Variants in CDC42SE1 observed in about 807,000 individuals in gnomAD.
The protein encoded by CDC42SE1 is CDC42 small effector 1.
In CDC42SE1, 10 loss-of-function variants were observed where a neutral mutation model predicts 10.9. That is an observed-to-expected ratio of 0.92 (90% CI 0.57 to 1.56). CDC42SE1 has a LOEUF of 1.56. Ranked by LOEUF, CDC42SE1 falls within the 40% of genes most tolerant of loss-of-function variation. CDC42SE1 has a pLI of 0.00. For synonymous variants in CDC42SE1, 24 were observed against 32.0 expected, an observed-to-expected ratio of 0.75 and a Z score of 0.85; for missense variants, 81 against 100.8, an observed-to-expected ratio of 0.80 and a Z score of 0.84.
rs992203518 is a variant in CDC42SE1 at position 151,055,617 on chromosome 1, C to T, written c.54+60G>A. The T allele has an allele frequency of 3.6e-6, 5 of 1,387,478 alleles. 1 individual carries two copies. Among genetic ancestry groups the T allele is most frequent in the Non-Finnish European group, 3.1e-6 (3 of 979,852 alleles). The allele number at this position is 1,387,478 out of a possible 1,614,324, so 85.9% of individuals were successfully genotyped here. A position where few individuals can be genotyped will look rare whatever the true frequency, so the allele number is the denominator to read the frequency against. ...TGGCAGATCCTAGATGGTGTGGCTA[C>T]CTCACAGCACACAGTAACTGACTGC... On this transcript the variant is annotated intron_variant, in intron 2 of 4. Coordinates refer to ENST00000357235, the MANE Select transcript of CDC42SE1 (RefSeq NM_020239.4).
chr1:151,056,067 A>C, intron 1 of CDC42SE1, 74 bp from the exon 2 acceptor site: 1 of 368,290 alleles, frequency 2.7e-6, no homozygotes. Flanking sequence ...AAACCTCCTG[A>C]TGAGCCTATA....
At chr1:151,054,896 G>C in intron 3 of CDC42SE1, 120 bp downstream of exon 3, 1 of 732,600 alleles carries the variant, frequency 1.4e-6, no homozygotes, top group Non-Finnish European at 2.3e-6. Flanking sequence ...ACCAGGACTA[G>C]AATCCCAGGT....
chr1:151,054,376 A>C, intron 3 of CDC42SE1, 55 bp from the exon 4 acceptor site: 1 of 1,394,084 alleles, frequency 7.2e-7, no homozygotes, highest in South Asian at 1.2e-5. Context: ...CTACAGTAAG[A>C]ACTCTACTTT....
Position 151,052,954 on chromosome 1 carries a change from C to T in CDC42SE1, c.*390G>A, listed in dbSNP as rs967042375. On this transcript the variant is annotated 3_prime_UTR_variant, in exon 5 of 5. Transcript: ENST00000357235. ...GCCAGCTTCAGCTTTGATAATCTCA[C>T]CCACCTACCCCATTTAAGGAGTTCC... The T allele has an allele frequency of 6.6e-6, 1 of 152,310 alleles. No homozygotes were observed. The highest frequency in any genetic ancestry group is 2.4e-5 in the African/African-American group (1 of 41,448). The allele number at this position is 152,310 out of a possible 1,614,324, so 9.4% of individuals were successfully genotyped here.
rs1355114479 is a variant in CDC42SE1, at chr1:151,055,666, G to A, written c.54+11C>T. On this transcript the variant is annotated intron_variant, in intron 2 of 4. Transcript: ENST00000357235. ...GCTCTTTGGGTTAGGATGGGGGGTG[G>A]GGAGACTCACCGGCTGGGGTTTCTC... The A allele has an allele frequency of 3.7e-6, 6 of 1,609,100 alleles. No homozygotes were observed. Among genetic ancestry groups the A allele is most frequent in the Non-Finnish European group, 5.1e-6 (6 of 1,176,140 alleles).
In CDC42SE1 at chr1:151,052,425, T is replaced by C. The variant is rs1676200260; in HGVS notation, c.*919A>G. On this transcript the variant is annotated 3_prime_UTR_variant, in exon 5 of 5. Coordinates refer to ENST00000357235, the MANE Select transcript of CDC42SE1 (RefSeq NM_020239.4). The stretch of plus-strand genomic sequence containing the variant: ...CATCCTCAATGATCAGAAGTCCACC[T>C]TGAGATGGACTTACTCCTAGTTCTG... 1 of 152,598 alleles carries C rather than the reference T, an allele frequency of 6.6e-6. No homozygotes were observed. The highest frequency in any genetic ancestry group is 1.5e-5 in the Non-Finnish European group (1 of 68,020). 9.5% of individuals were successfully genotyped at this position (152,598 alleles called of 1,614,324 possible).
chr1:151,053,906 T>C (rs895423348), intron 4 of CDC42SE1, among the ~76,000 whole-genome samples: 3 of 152,168 alleles, frequency 2.0e-5, no homozygotes, highest in Admixed American at 2.0e-4. Flanking sequence ...CTCAGCTCAC[T>C]GTAACCTCCG....
Position 151,055,786 on chromosome 1 carries a change from C to G in CDC42SE1, c.-56G>C. 2.0e-6 allele frequency: 3 copies of G among 1,479,374 alleles called. No individual in the cohort carries two copies. Among genetic ancestry groups the G allele is most frequent in the Non-Finnish European group, 1.9e-6 (2 of 1,065,102 alleles). The allele number at this position is 1,479,374 out of a possible 1,614,324, so 91.6% of individuals were successfully genotyped here. On this transcript the variant is annotated 5_prime_UTR_variant, in exon 2 of 5. Coordinates refer to ENST00000357235, the MANE Select transcript of CDC42SE1 (RefSeq NM_020239.4). ...GTCTGAGGCCCCAAAGGGCTCTTTC[C>G]CTGGTGTTTGGACAACCCACTCCTC... is the stretch of plus-strand genomic sequence containing the variant.
At chr1:151,058,570 C>T (rs765682235) in intron 1 of CDC42SE1, 2 of 152,214 alleles carry the variant, frequency 1.3e-5, no homozygotes, top group African/African-American at 4.8e-5. Flanking sequence ...AGGATTAGAC[C>T]TCATAAGGCC....
chr1:151,055,077 T>C lies in CDC42SE1; in HGVS notation c.104A>G (p.Asn35Ser). 6.2e-7 allele frequency: 1 copy of C among 1,613,824 alleles called. No homozygotes were observed. The highest frequency in any genetic ancestry group is 8.5e-7 in the Non-Finnish European group (1 of 1,179,976). ...GCCAATGTGAGTCAGGTGAACAAAA[T>C]TCATTGGTTCCCCAATCATGGTCCG... ...IDRTMIGEPM[N>S]FVHLTHIGSG... The change falls in exon 3 of 5, where the codon AAT becomes AGT. Residue 35 changes from asparagine (N) to serine (S), a missense_variant. Asn to Ser is a conservative substitution (Grantham distance 46). Transcript: ENST00000357235.
At chr1:151,058,297 G>C (rs1392032514) in intron 1 of CDC42SE1, 1 of 152,708 alleles carries the variant, frequency 6.5e-6, no homozygotes, top group East Asian at 1.9e-4. Context: ...TAGGACATTA[G>C]GGTCTCTGAA....
At chr1:151,053,352 TAAAG>T (rs1454997341) in intron 4 of CDC42SE1, 25 bp from the exon 5 acceptor site, 1 of 152,434 alleles carries the variant, frequency 6.6e-6, no homozygotes, top group Non-Finnish European at 1.5e-5. Flanking sequence ...AAGTTTTTCT[TAAAG>T]AAGATTAGCC....
chr1:151,054,744 A>G (rs1304900814), intron 3 of CDC42SE1, among the ~76,000 whole-genome samples: 1 of 152,198 alleles, frequency 6.6e-6, no homozygotes. Context: ...AGGGAGAGTT[A>G]TAAGTTTTTG....
At chr1:151,056,801 T>G (rs1482338143) in intron 1 of CDC42SE1, 1 of 152,346 alleles carries the variant, frequency 6.6e-6, no homozygotes, top group Non-Finnish European at 1.5e-5. Flanking sequence ...GTACAGGTTG[T>G]GGGTACATGT....
Position 151,057,782 on chromosome 1 carries a change from A to G in CDC42SE1, c.-264+1697T>C, listed in dbSNP as rs1278459033. 6.6e-6 allele frequency: 1 copy of G among 152,014 alleles called. No homozygotes were observed. Among genetic ancestry groups the G allele is most frequent in the Non-Finnish European group, 1.5e-5 (1 of 68,190 alleles). The allele number at this position is 152,014 out of a possible 1,614,324, so 9.4% of individuals were successfully genotyped here. A position where few individuals can be genotyped will look rare whatever the true frequency, so the allele number is the denominator to read the frequency against. On this transcript the variant is annotated intron_variant, in intron 1 of 4. Coordinates refer to ENST00000357235, the MANE Select transcript of CDC42SE1 (RefSeq NM_020239.4). The surrounding 1 kb of genome is among the most constrained non-coding windows in gnomAD (Gnocchi z 4.0). ...TAACAGCCTTGAGATGAGATCACAC[A>G]AACACTCAAATGTAGCTTCTAGGGG... is the stretch of plus-strand genomic sequence containing the variant.
At position 151,053,218 on chromosome 1, in the gene CDC42SE1, G is replaced by A. The variant is rs1676216450; in HGVS notation, c.*126C>T. 6.5e-6 allele frequency: 1 copy of A among 152,884 alleles called. No homozygotes were observed. Among genetic ancestry groups the A allele is most frequent in the African/African-American group, 2.4e-5 (1 of 41,444 alleles). 9.5% of individuals were successfully genotyped at this position (152,884 alleles called of 1,614,324 possible). ...CCCCAAGCCTTGTGAGGCACTGTTA[G>A]GCAGATAGGGAAAAGAGGGGTCCTT... is the stretch of plus-strand genomic sequence containing the variant. On this transcript the variant is annotated 3_prime_UTR_variant, in exon 5 of 5. Coordinates refer to ENST00000357235, the MANE Select transcript of CDC42SE1 (RefSeq NM_020239.4).
Position 151,055,790 on chromosome 1 carries a change from G to C in CDC42SE1, c.-60C>G, listed in dbSNP as rs1676267603. On this transcript the variant is annotated 5_prime_UTR_variant, in exon 2 of 5. Transcript: ENST00000357235. ...GAGGCCCCAAAGGGCTCTTTCCCTG[G>C]TGTTTGGACAACCCACTCCTCACTC... 1 of 1,425,828 alleles carries C rather than the reference G, an allele frequency of 7.0e-7. No individual in the cohort carries two copies. The highest frequency in any genetic ancestry group is 9.8e-7 in the Non-Finnish European group (1 of 1,017,852). 88.3% of individuals were successfully genotyped at this position (1,425,828 alleles called of 1,614,324 possible).
In CDC42SE1 at chr1:151,054,113, A is replaced by G. The variant is rs987065742; in HGVS notation, c.*16+118T>C. 8.4e-6 allele frequency: 6 copies of G among 717,090 alleles called. No individual in the cohort carries two copies. The African/African-American group carries it at 1.1e-4, about 13-fold the overall frequency. The allele number at this position is 717,090 out of a possible 1,614,324, so 44.4% of individuals were successfully genotyped here. A position where few individuals can be genotyped will look rare whatever the true frequency, so the allele number is the denominator to read the frequency against. On this transcript the variant is annotated intron_variant, in intron 4 of 4. Transcript: ENST00000357235. ...CCTAAAGTGCTGGGATTACAGGCAT[A>G]AGCCACCATGCCCGGCCACACCTCC... is the stretch of plus-strand genomic sequence containing the variant.
At chr1:151,056,685 TTC>T (rs1457531814) in intron 1 of CDC42SE1, 1 of 152,282 alleles carries the variant, frequency 6.6e-6, no homozygotes, top group African/African-American at 2.4e-5. Context: ...GCTGTGTACA[TTC>T]TGTTTATCTG....
Sources: allele counts gnomAD v4.1 joint callset (sites outside exome capture counted in the v4.1 genomes callset), GRCh38; gene constraint gnomAD v4.1.1; non-coding constraint Gnocchi (gnomAD v3.1); transcripts MANE v1.5; gene names NCBI Gene and HGNC (gene_info 2026-07-23, HGNC 2026-07-21).